Variants in RPGRIP1L observed in about 807,000 individuals in gnomAD.
The protein encoded by RPGRIP1L is protein fantom.
Under a neutral mutation model 160.4 loss-of-function variants are expected in RPGRIP1L, and 131 were observed. That is an observed-to-expected ratio of 0.82 (90% CI 0.71 to 0.94). The LOEUF (loss-of-function observed/expected upper bound fraction) is 0.94, where lower values mean the gene tolerates loss of function less well. RPGRIP1L is among the 40% of genes least tolerant of loss of function. The probability of loss-of-function intolerance (pLI) is 0.00; values close to 1 mark genes in which losing one functional copy is unlikely to be tolerated. For synonymous variants in RPGRIP1L, 510 were observed against 515.8 expected, an observed-to-expected ratio of 0.99 and a Z score of 0.15; for missense variants, 1,522 against 1,535.8, an observed-to-expected ratio of 0.99 and a Z score of 0.15.
intron 25 of RPGRIP1L, among the ~76,000 whole-genome samples, chr16:53,607,248 G>T (rs1963747491): frequency 6.6e-6 from 1 of 152,186 alleles, no homozygotes; most frequent in Admixed American, 6.5e-5. Flanking sequence ...GTGAACAGTT[G>T]CCTGGAACAC....
chr16:53,636,568 C>G (rs1965848375), intron 21 of RPGRIP1L, 56 bp from the exon 22 acceptor site: 1 of 1,195,070 alleles, frequency 8.4e-7, no homozygotes, highest in African/African-American at 1.5e-5. Flanking sequence ...TCTACTTATA[C>G]CCTGTAAAAT....
At position 53,645,932 on chromosome 16, in the gene RPGRIP1L, A is replaced by G. The variant is rs2151083658; in HGVS notation, c.2376T>C (p.Leu792=). Residue 792 remains leucine (L), a synonymous_variant, in exon 17 of 27, where the codon CTT becomes CTC. Coordinates refer to ENST00000647211, the MANE Select transcript of RPGRIP1L (RefSeq NM_015272.5). ...GGTTGCAACATCTTATTGTAATGTG[A>G]AGTTCATTTAAGTTGCCATCTGTGG... ...TDSTDGNLNE[L]HITIRCCNHL... 6.2e-7 allele frequency: 1 copy of G among 1,614,096 alleles called. No homozygotes were observed. The highest frequency in any genetic ancestry group is 8.5e-7 in the Non-Finnish European group (1 of 1,180,006).
chr16:53,678,141 T>TG, intron 6 of RPGRIP1L, among the ~76,000 whole-genome samples: 1 of 149,270 alleles, frequency 6.7e-6, no homozygotes, highest in Admixed American at 6.7e-5. Flanking sequence ...TCTTTCCTTT[T>TG]TTTTTTTAAA....
rs376330325 is a variant in RPGRIP1L at position 53,619,192 on chromosome 16, C to T, written c.3449G>A (p.Arg1150Gln). The T allele has an allele frequency of 2.6e-5, 42 of 1,613,154 alleles. No homozygotes were observed. The highest frequency in any genetic ancestry group is 1.8e-4 in the Middle Eastern group (1 of 5,460). The change falls in exon 24 of 27, where the codon CGG becomes CAG. Residue 1150 changes from arginine (R) to glutamine (Q), a missense_variant. Arg to Gln is a conservative substitution (Grantham distance 43, BLOSUM62 1). Coordinates refer to ENST00000647211, the MANE Select transcript of RPGRIP1L (RefSeq NM_015272.5). ...CHHTQPSEKIRIEIIALSLND... is the reference protein window; with the variant it reads ...CHHTQPSEKIQIEIIALSLND... ...AAGGCTTAGAGCTATGATCTCAATCCGAATTTTTTCTGATGGCTGTTTAAA... is the reference window on the plus strand; with the variant it reads ...AAGGCTTAGAGCTATGATCTCAATCTGAATTTTTTCTGATGGCTGTTTAAA...
chr16:53,624,013 C>T (rs117319355), intron 22 of RPGRIP1L, among the ~76,000 whole-genome samples: 4,797 of 152,194 alleles, frequency 0.032, 160 homozygotes, highest in East Asian at 0.14. Context: ...CATCTCAGCC[C>T]CCTGAGTAGC....
chr16:53,683,897 T>C (rs1377456887), intron 6 of RPGRIP1L, among the ~76,000 whole-genome samples: 1 of 152,132 alleles, frequency 6.6e-6, no homozygotes. Flanking sequence ...GCAATCCCTA[T>C]TTAATAAGTG....
intron 6 of RPGRIP1L, among the ~76,000 whole-genome samples, chr16:53,683,332 A>G (rs1053874547): frequency 6.6e-6 from 1 of 152,148 alleles, no homozygotes; most frequent in Non-Finnish European, 1.5e-5. Flanking sequence ...AAGAGACATA[A>G]TAACCAAATG....
intron 22 of RPGRIP1L, among the ~76,000 whole-genome samples, chr16:53,623,940 G>A (rs1964904016): frequency 6.6e-6 from 1 of 152,152 alleles, no homozygotes; most frequent in African/African-American, 2.4e-5. Context: ...TGTCCAGGCT[G>A]AAGTGCAGTG....
intron 3 of RPGRIP1L, chr16:53,695,521 A>T: frequency 3.0e-6 from 2 of 665,606 alleles, no homozygotes; most frequent in South Asian, 3.3e-5. Flanking sequence ...CTTTGTTTTT[A>T]ATGCCTTCCC....
At chr16:53,683,022 T>C (rs1359781434) in intron 6 of RPGRIP1L, among the ~76,000 whole-genome samples, 1 of 152,160 alleles carries the variant, frequency 6.6e-6, no homozygotes, top group Non-Finnish European at 1.5e-5. Context: ...ATAGAATTTT[T>C]AGAGATAACA....
chr16:53,640,313 C>T (rs1453054563), intron 19 of RPGRIP1L, among the ~76,000 whole-genome samples: 1 of 152,088 alleles, frequency 6.6e-6, no homozygotes, highest in Non-Finnish European at 1.5e-5. Context: ...ACATTCATTG[C>T]ACATTAAATA....
At chr16:53,652,437 C>T (rs978167530) in intron 15 of RPGRIP1L, 98 bp downstream of exon 15, 4 of 950,834 alleles carry the variant, frequency 4.2e-6, no homozygotes, top group African/African-American at 1.6e-5. Context: ...TCTAAAGGCA[C>T]CTTTAATATA....
At chr16:53,669,022 C>A (rs1422662658) in intron 9 of RPGRIP1L, among the ~76,000 whole-genome samples, 1 of 152,108 alleles carries the variant, frequency 6.6e-6, no homozygotes, top group Non-Finnish European at 1.5e-5. Flanking sequence ...GAAAACTAGT[C>A]AATTTTGAAT....
intron 22 of RPGRIP1L, among the ~76,000 whole-genome samples, chr16:53,634,231 G>A (rs1965694257): frequency 6.6e-6 from 1 of 152,128 alleles, no homozygotes; most frequent in African/African-American, 2.4e-5. Context: ...ATTCACGAGA[G>A]CTCTGTCCTC....
chr16:53,645,623 A>G lies in RPGRIP1L; in HGVS notation c.2683+2T>C. On this transcript the variant is annotated splice_donor_variant, in intron 17 of 26. Coordinates refer to ENST00000647211, the MANE Select transcript of RPGRIP1L (RefSeq NM_015272.5). LOFTEE classifies it high-confidence loss of function. The stretch of plus-strand genomic sequence containing the variant: ...TTTATAGATTCAAAAACATAGGCTT[A>G]CCTGAGATACACCTGTCATGTGCCA... The G allele has an allele frequency of 2.5e-6, 4 of 1,612,968 alleles. No homozygotes were observed. The highest frequency in any genetic ancestry group is 3.4e-6 in the Non-Finnish European group (4 of 1,179,802).
rs189809741 is a variant in RPGRIP1L, at chr16:53,698,514, G to T, written c.85+2125C>A. On this transcript the variant is annotated intron_variant, in intron 2 of 26. Coordinates refer to ENST00000647211, the MANE Select transcript of RPGRIP1L (RefSeq NM_015272.5). Reference sequence around the variant, plus strand: ...AGGTTGGGGGGTCAGCCTCCCGCCCGGCCAGCCGCCCCGTCTGGGAGGGAG... The same window carrying T: ...AGGTTGGGGGGTCAGCCTCCCGCCCTGCCAGCCGCCCCGTCTGGGAGGGAG... 3.1e-4 allele frequency among the ~76,000 whole-genome samples: 44 copies of T among 141,042 alleles called. 1 individual carries two copies. The Middle Eastern group carries it at 0.021, about 66-fold the overall frequency. 92.5% of individuals were successfully genotyped at this position (141,042 alleles called of 152,430 possible).
chr16:53,697,304 T>C (rs1384486730), intron 2 of RPGRIP1L, among the ~76,000 whole-genome samples: 5 of 149,078 alleles, frequency 3.4e-5, no homozygotes, highest in Non-Finnish European at 7.5e-5. Flanking sequence ...ATATGAAAAG[T>C]TTATCAATCT....
intron 2 of RPGRIP1L, among the ~76,000 whole-genome samples, chr16:53,698,205 G>GC (rs1248871063): frequency 2.5e-4 from 37 of 150,762 alleles, no homozygotes; most frequent in African/African-American, 9.1e-4. Flanking sequence ...CCTCCGCCCG[G>GC]CAGCCACCCC....
chr16:53,658,988 C>T (rs1967528323), intron 10 of RPGRIP1L, 110 bp from the exon 11 acceptor site: 3 of 817,578 alleles, frequency 3.7e-6, no homozygotes. Context: ...TAGTATTGTT[C>T]TGGTCAGAAA....
Sources: gnomAD v4.1 joint callset for allele counts (sites outside exome capture counted in the v4.1 genomes callset) on GRCh38, gnomAD v4.1.1 for gene constraint, MANE v1.5 for transcripts, NCBI Gene and HGNC (gene_info 2026-07-23, HGNC 2026-07-21) for gene names.